MPPED2: variants seen among roughly 807,000 people sequenced by gnomAD.
MPPED2 encodes the protein metallophosphoesterase domain containing 2, also known as metallophosphoesterase MPPED2.
MPPED2 carries 5 observed loss-of-function variants against 33.0 expected under a neutral mutation model. That is an observed-to-expected ratio of 0.15 (90% CI 0.08 to 0.32). The LOEUF (loss-of-function observed/expected upper bound fraction) is 0.32, where lower values mean the gene tolerates loss of function less well. Among genes scored for constraint, MPPED2 ranks in the 10% least tolerant of loss-of-function variants. MPPED2 has a pLI of 1.00. For synonymous variants in MPPED2, 136 were observed against 141.9 expected, an observed-to-expected ratio of 0.96 and a Z score of 0.29; for missense variants, 275 against 372.1, an observed-to-expected ratio of 0.74 and a Z score of 2.15.
chr11:30,560,811 T>A (rs947188455), intron 2 of MPPED2, among the ~76,000 whole-genome samples: 1 of 152,298 alleles, frequency 6.6e-6, no homozygotes, highest in Non-Finnish European at 1.5e-5. Context: ...TGCTTATTTA[T>A]AGAGCAGGCC....
chr11:30,486,437 A>T (rs939785914), intron 4 of MPPED2, among the ~76,000 whole-genome samples: 1 of 152,196 alleles, frequency 6.6e-6, no homozygotes, highest in Non-Finnish European at 1.5e-5. Context: ...ATATTTGACA[A>T]TTGGTTTTAA....
intron 4 of MPPED2, among the ~76,000 whole-genome samples, chr11:30,456,551 CGT>C (rs140981878): frequency 1.3e-5 from 2 of 151,034 alleles, no homozygotes; most frequent in East Asian, 1.9e-4. Flanking sequence ...TGTGTGTGTG[CGT>C]GTGTGTGTGT....
intron 1 of MPPED2, 41 bp from the exon 2 acceptor site, chr11:30,580,535 G>A: frequency 7.1e-7 from 1 of 1,410,238 alleles, no homozygotes; most frequent in Non-Finnish European, 9.3e-7. Flanking sequence ...AGAACAAAGA[G>A]AAAAAGGGTG....
chr11:30,522,395 C>CAT (rs1391964970), intron 3 of MPPED2, among the ~76,000 whole-genome samples: 2 of 144,918 alleles, frequency 1.4e-5, no homozygotes, highest in African/African-American at 5.6e-5. Flanking sequence ...CATACACACA[C>CAT]ACACACACAC....
chr11:30,449,118 C>A (rs1179914897), intron 4 of MPPED2, among the ~76,000 whole-genome samples: 1 of 152,104 alleles, frequency 6.6e-6, no homozygotes, highest in East Asian at 1.9e-4. Context: ...CTATTTTATT[C>A]CTTAATCTAT....
intron 2 of MPPED2, among the ~76,000 whole-genome samples, chr11:30,537,284 T>G (rs909338260): frequency 6.6e-6 from 1 of 152,176 alleles, no homozygotes; most frequent in African/African-American, 2.4e-5. Context: ...AAAGAAGCAG[T>G]TATAAATGCA....
intron 3 of MPPED2, among the ~76,000 whole-genome samples, chr11:30,500,403 A>G (rs985415944): frequency 6.6e-6 from 1 of 152,148 alleles, no homozygotes; most frequent in East Asian, 1.9e-4. Context: ...GCAGTATGTA[A>G]TAGTTTCTTA....
chr11:30,534,712 A>G (rs1954718437), intron 3 of MPPED2, among the ~76,000 whole-genome samples: 1 of 152,216 alleles, frequency 6.6e-6, no homozygotes, highest in African/African-American at 2.4e-5. Context: ...CCTTTGACTT[A>G]GCAAATTAAG....
chr11:30,582,108 A>G (rs1957193822), intron 1 of MPPED2, among the ~76,000 whole-genome samples: 1 of 152,156 alleles, frequency 6.6e-6, no homozygotes, highest in South Asian at 2.1e-4. Context: ...CCACAATTAT[A>G]TTTTACTGTT....
intron 4 of MPPED2, among the ~76,000 whole-genome samples, chr11:30,466,855 C>T (rs1003438878): frequency 3.3e-5 from 5 of 152,132 alleles, no homozygotes; most frequent in Non-Finnish European, 7.3e-5. Flanking sequence ...TCTATAATTC[C>T]ATGCCAACTC....
chr11:30,458,965 G>A (rs1192001043), intron 4 of MPPED2, among the ~76,000 whole-genome samples: 1 of 113,662 alleles, frequency 8.8e-6, no homozygotes, highest in African/African-American at 3.5e-5. Flanking sequence ...TCGCTCTGTC[G>A]CCCAGGCTGG....
chr11:30,580,415 G>C lies in MPPED2; in HGVS notation c.-42C>G, dbSNP rs746643719. 1 of 1,607,942 alleles carries C rather than the reference G, an allele frequency of 6.2e-7. No individual in the cohort carries two copies. Among genetic ancestry groups the C allele is most frequent in the South Asian group, 1.1e-5 (1 of 90,292 alleles). ...CATGAGCAATTCACAACTTTACAGA[G>C]CAAAAGATGGAAGCAGGCATGGTGC... On this transcript the variant is annotated 5_prime_UTR_variant, in exon 2 of 7. Coordinates refer to ENST00000358117, the MANE Select transcript of MPPED2 (RefSeq NM_001584.3).
At chr11:30,446,713 T>G (rs1476025846) in intron 4 of MPPED2, among the ~76,000 whole-genome samples, 2 of 152,106 alleles carry the variant, frequency 1.3e-5, no homozygotes, top group East Asian at 1.9e-4. Context: ...AAGAAGTGCA[T>G]AACAGCAAAG....
downstream of MPPED2, among the ~76,000 whole-genome samples, chr11:30,406,678 A>G (rs2094621132): frequency 6.6e-6 from 1 of 152,180 alleles, no homozygotes; most frequent in Admixed American, 6.5e-5. Context: ...GAAGCAAACA[A>G]CAACAAAAAT....
downstream of MPPED2, among the ~76,000 whole-genome samples, chr11:30,406,666 C>T (rs1328031877): frequency 6.6e-6 from 1 of 152,200 alleles, no homozygotes; most frequent in Admixed American, 6.5e-5. Context: ...CAAACAAACA[C>T]AGAAGCAAAC....
intron 4 of MPPED2, among the ~76,000 whole-genome samples, chr11:30,456,540 C>CTGTG (rs1226210330): frequency 1.3e-5 from 2 of 151,826 alleles, no homozygotes; most frequent in African/African-American, 4.8e-5. Context: ...CTCCCCAATC[C>CTGTG]TGTGTGTGTG....
intron 2 of MPPED2, among the ~76,000 whole-genome samples, chr11:30,540,908 A>G (rs1434354147): frequency 1.3e-5 from 2 of 152,140 alleles, no homozygotes; most frequent in Non-Finnish European, 2.9e-5. Context: ...TCCTTGTGTG[A>G]TAAGATGTCT....
chr11:30,535,448 C>T (rs1041390322), intron 3 of MPPED2, among the ~76,000 whole-genome samples: 2 of 152,116 alleles, frequency 1.3e-5, no homozygotes, highest in Non-Finnish European at 2.9e-5. Flanking sequence ...CTTCACATCC[C>T]AAGTTTTTAC....
intron 2 of MPPED2, among the ~76,000 whole-genome samples, chr11:30,547,857 C>A (rs1590809501): frequency 1.3e-5 from 2 of 152,230 alleles, no homozygotes; most frequent in East Asian, 3.9e-4. Context: ...AAAAAATATT[C>A]TTTTGCAGAG....
Sources: gnomAD v4.1 joint callset for allele counts (sites outside exome capture counted in the v4.1 genomes callset) on GRCh38, gnomAD v4.1.1 for gene constraint, MANE v1.5 for transcripts, NCBI Gene and HGNC (gene_info 2026-07-23, HGNC 2026-07-21) for gene names.